VPS8: variants seen among roughly 807,000 people sequenced by gnomAD.
VPS8 encodes VPS8 subunit of CORVET complex.
In VPS8, 129 loss-of-function variants were observed where a neutral mutation model predicts 216.4. The ratio of observed to expected loss-of-function variants is 0.60; its 90% CI spans 0.52 to 0.69. The LOEUF is 0.69. VPS8 is among the 30% of genes least tolerant of loss of function. The pLI is 0.00. For synonymous variants in VPS8, 571 were observed against 565.4 expected (o/e 1.01, Z -0.14); for missense variants, 1,531 against 1,683.5 (o/e 0.91, Z 1.59).
At chr3:184,832,481 G>A (rs1560298849) in intron 3 of VPS8, among the ~76,000 whole-genome samples, 1 of 152,058 alleles carries the variant, frequency 6.6e-6, no homozygotes, top group Non-Finnish European at 1.5e-5. Context: ...AAGAAGTTTT[G>A]GGGTGACTTC....
chr3:185,007,101 G>A (rs1754365481), intron 45 of VPS8, among the ~76,000 whole-genome samples: 1 of 152,164 alleles, frequency 6.6e-6, no homozygotes. Flanking sequence ...CAGAAAGCCT[G>A]CTTTCTCTGG....
intron 1 of VPS8, among the ~76,000 whole-genome samples, chr3:184,818,373 A>G (rs1387595555): frequency 6.6e-6 from 1 of 151,992 alleles, no homozygotes; most frequent in Non-Finnish European, 1.5e-5. Context: ...AATTCAAAAA[A>G]TTAGCTGGGC....
chr3:184,970,918 A>G (rs1748299253), intron 39 of VPS8, among the ~76,000 whole-genome samples: 1 of 152,216 alleles, frequency 6.6e-6, no homozygotes, highest in African/African-American at 2.4e-5. Context: ...TAGAATCAAC[A>G]AATATTCGCA....
At chr3:184,827,672 G>A (rs1719075182) in intron 3 of VPS8, among the ~76,000 whole-genome samples, 2 of 152,198 alleles carry the variant, frequency 1.3e-5, no homozygotes, top group African/African-American at 4.8e-5. Flanking sequence ...CATAATGAAG[G>A]AAAACTGTTC....
At chr3:184,819,298 A>G (rs1232887693) in intron 1 of VPS8, among the ~76,000 whole-genome samples, 1 of 152,208 alleles carries the variant, frequency 6.6e-6, no homozygotes, top group East Asian at 1.9e-4. Context: ...CTATCAGATT[A>G]ATCTGATTTC....
chr3:185,006,771 C>T (rs1340574317), intron 45 of VPS8, among the ~76,000 whole-genome samples: 1 of 152,192 alleles, frequency 6.6e-6, no homozygotes, highest in Non-Finnish European at 1.5e-5. Context: ...CCGCCTGTTG[C>T]TGTCTACACC....
chr3:185,019,087 A>G (rs978425613), intron 45 of VPS8, among the ~76,000 whole-genome samples: 13 of 152,122 alleles, frequency 8.5e-5, no homozygotes, highest in Non-Finnish European at 1.8e-4. Flanking sequence ...CCTCCTCATC[A>G]TTAGAGTGAA....
chr3:185,031,477 C>A (rs1423546679), intron 46 of VPS8, among the ~76,000 whole-genome samples: 1 of 152,130 alleles, frequency 6.6e-6, no homozygotes, highest in Non-Finnish European at 1.5e-5. Flanking sequence ...ATGATTTGGT[C>A]TTTGTTTTTG....
chr3:185,025,236 C>T (rs1757184998), intron 46 of VPS8, among the ~76,000 whole-genome samples: 2 of 152,204 alleles, frequency 1.3e-5, no homozygotes, highest in Admixed American at 6.5e-5. Context: ...AAGAGAACCA[C>T]TAAAATCCTT....
intron 34 of VPS8, among the ~76,000 whole-genome samples, chr3:184,932,204 T>C (rs1740807026): frequency 1.3e-5 from 2 of 152,114 alleles, no homozygotes. Flanking sequence ...ATAATGAAGT[T>C]TTCTGACAAG....
rs1577886960 is a variant in VPS8 at position 184,849,861 on chromosome 3, C to T, written c.667-75C>T. ...TTTATAGTCAAGGAATAGATTATTC[C>T]AGCCAGAAGGCAGGATACTTAAGTC... On this transcript the variant is annotated intron_variant, in intron 9 of 47. Coordinates refer to ENST00000625842, the MANE Select transcript of VPS8 (RefSeq NM_001009921.3). 3.6e-6 allele frequency: 4 copies of T among 1,098,714 alleles called. No individual in the cohort carries two copies. The East Asian group carries it at 9.5e-5, about 26-fold the overall frequency. 68.1% of individuals were successfully genotyped at this position (1,098,714 alleles called of 1,614,324 possible).
intron 36 of VPS8, among the ~76,000 whole-genome samples, chr3:184,954,949 A>G (rs924450189): frequency 1.3e-5 from 2 of 152,200 alleles, no homozygotes; most frequent in African/African-American, 2.4e-5. Flanking sequence ...ACCGGTGGGT[A>G]TAGGGTCAGG....
At chr3:184,955,509 T>C (rs965667460) in intron 36 of VPS8, among the ~76,000 whole-genome samples, 2 of 152,012 alleles carry the variant, frequency 1.3e-5, no homozygotes, top group Non-Finnish European at 2.9e-5. Flanking sequence ...TCGTCTTGTA[T>C]GCAATAAATA....
intron 22 of VPS8, among the ~76,000 whole-genome samples, chr3:184,887,642 G>A (rs1387873999): frequency 3.9e-5 from 6 of 152,166 alleles, no homozygotes; most frequent in Admixed American, 6.5e-5. Context: ...TAGCTCCTGT[G>A]TTCTTGGTTT....
chr3:184,876,283 A>G (rs1729259857), intron 21 of VPS8, among the ~76,000 whole-genome samples: 1 of 151,838 alleles, frequency 6.6e-6, no homozygotes, highest in African/African-American at 2.4e-5. Flanking sequence ...TTCTATTTTT[A>G]TATCAATGTT....
intron 8 of VPS8, among the ~76,000 whole-genome samples, chr3:184,847,331 T>C (rs1175921435): frequency 6.6e-6 from 1 of 152,222 alleles, no homozygotes; most frequent in Admixed American, 6.5e-5. Context: ...GACCTAATAT[T>C]ATTCCCTAGA....
rs771051475 is a variant in VPS8 at position 184,996,403 on chromosome 3, G to A, written c.3738G>A (p.Ser1246=). 1.2e-5 allele frequency: 19 copies of A among 1,613,786 alleles called. No individual in the cohort carries two copies. Among genetic ancestry groups the A allele is most frequent in the East Asian group, 2.2e-5 (1 of 44,868 alleles). Residue 1246 remains serine, a synonymous_variant, in exon 44 of 48, where the codon TCG becomes TCA. Coordinates refer to ENST00000625842, the MANE Select transcript of VPS8 (RefSeq NM_001009921.3). ...LHWSLCNLRA[S]VTRGLNPKQD... ...GGTCATTGTGTAACCTGAGAGCTTC[G>A]GTCACCAGAGGACTGAATCCCAAAC...
intron 40 of VPS8, among the ~76,000 whole-genome samples, chr3:184,977,884 C>CTTTTTTTTTTTTT (rs55727843): frequency 7.6e-6 from 1 of 131,288 alleles, no homozygotes; most frequent in Non-Finnish European, 1.6e-5. Flanking sequence ...TTTCTTTTTT[C>CTTTTTTTTTTTTT]TTTTTTTTTT....
At chr3:185,030,076 A>G (rs1000256727) in intron 46 of VPS8, among the ~76,000 whole-genome samples, 15 of 152,192 alleles carry the variant, frequency 9.9e-5, no homozygotes, top group Non-Finnish European at 1.9e-4. Flanking sequence ...TATGACCAGA[A>G]ATGTAAAAAT....
Sources: allele counts gnomAD v4.1 joint callset (sites outside exome capture counted in the v4.1 genomes callset), GRCh38; gene constraint gnomAD v4.1.1; transcripts MANE v1.5; gene names NCBI Gene and HGNC (gene_info 2026-07-23, HGNC 2026-07-21).